Variants in GRIA1 observed in about 807,000 individuals in gnomAD.
GRIA1 encodes the protein glutamate ionotropic receptor AMPA type subunit 1, also known as glutamate receptor 1.
GRIA1 carries 31 observed loss-of-function variants against 99.2 expected under a neutral mutation model. The observed-to-expected ratio is 0.31, with a 90% CI of 0.23 to 0.42. GRIA1 has a LOEUF of 0.42. Ranked by LOEUF, GRIA1 falls within the 10% of genes least tolerant of loss-of-function variation. GRIA1 has a pLI of 1.00. For missense variants in GRIA1, 782 were observed against 1,157.5 expected, an observed-to-expected ratio of 0.68 and a Z score of 4.71; for synonymous variants, 438 against 432.4, an observed-to-expected ratio of 1.01 and a Z score of -0.16.
At chr5:153,673,716 G>A (rs1194172371) in intron 5 of GRIA1, among the ~76,000 whole-genome samples, 2 of 152,182 alleles carry the variant, frequency 1.3e-5, no homozygotes, top group Admixed American at 6.5e-5. Context: ...ACTGAAATGA[G>A]GCCATAGATA....
Position 153,647,116 on chromosome 5 carries a change from A to G in GRIA1, c.409A>G (p.Ile137Val), listed in dbSNP as rs754197611. Residue 137 changes from isoleucine to valine, a missense_variant, in exon 3 of 16, where the codon ATT becomes GTT. Coordinates refer to ENST00000285900, the MANE Select transcript of GRIA1 (RefSeq NM_000827.4). ...PELQDALISI[I>V]DHYKWQKFVY... The stretch of plus-strand genomic sequence containing the variant: ...ACTGCAGGATGCCCTCATCAGCATC[A>G]TTGACCATTACAAGTGGCAGAAATT... The G allele has an allele frequency of 1.2e-6, 2 of 1,613,946 alleles. No individual in the cohort carries two copies. The highest frequency in any genetic ancestry group is 1.7e-6 in the Non-Finnish European group (2 of 1,179,918).
At chr5:153,528,785 CCTT>C (rs1419154084) in intron 2 of GRIA1, among the ~76,000 whole-genome samples, 1 of 152,140 alleles carries the variant, frequency 6.6e-6, no homozygotes, top group Non-Finnish European at 1.5e-5. Flanking sequence ...CTCCTATATG[CCTT>C]CTTCTCTCTT....
chr5:153,700,204 G>A (rs1400506755), intron 10 of GRIA1, among the ~76,000 whole-genome samples: 1 of 152,064 alleles, frequency 6.6e-6, no homozygotes, highest in Non-Finnish European at 1.5e-5. Context: ...GGCCAACATG[G>A]TGAAACCCCA....
At chr5:153,751,734 C>T (rs1028268469) in intron 11 of GRIA1, among the ~76,000 whole-genome samples, 2 of 152,220 alleles carry the variant, frequency 1.3e-5, no homozygotes, top group African/African-American at 2.4e-5. Flanking sequence ...AAATGCCTAT[C>T]GGAAACCCAG....
In GRIA1 at chr5:153,705,853, T is replaced by G; in HGVS notation, c.1609T>G (p.Tyr537Asp). ...GVFSFLDPLA[Y>D]EIWMCIVFAY... The stretch of plus-strand genomic sequence containing the variant: ...CTTCTCCTTCCTTGATCCTTTGGCT[T>G]ATGAGATTTGGATGTGCATTGTTTT... The change falls in exon 11 of 16, where the codon TAT becomes GAT. Residue 537 changes from tyrosine (Y) to aspartate (D), a missense_variant. Physicochemically the swap from Tyr to Asp is radical, Grantham distance 160. Transcript: ENST00000285900. The G allele has an allele frequency of 3.7e-6, 6 of 1,613,898 alleles. No individual in the cohort carries two copies. Among genetic ancestry groups the G allele is most frequent in the Non-Finnish European group, 5.1e-6 (6 of 1,179,956 alleles).
rs1183259776 is a variant in GRIA1 at position 153,564,884 on chromosome 5, T to C, written c.220+70819T>C. On this transcript the variant is annotated intron_variant, in intron 2 of 15. Transcript: ENST00000285900. ...GTATGGGAATGAATATGTCAGAAAG[T>C]AGTAGCTTAGTGATAAATTATGCAT... Among the ~76,000 whole-genome samples the C allele has an allele frequency of 2.0e-5, 3 of 152,214 alleles. No homozygotes were observed. The East Asian group carries it at 5.8e-4, about 29-fold the overall frequency.
intron 2 of GRIA1, among the ~76,000 whole-genome samples, chr5:153,610,961 C>T (rs1449098791): frequency 2.6e-5 from 4 of 152,208 alleles, no homozygotes; most frequent in Admixed American, 1.3e-4. Context: ...TCTGAACAGG[C>T]TGTCTTCAAC....
At chr5:153,507,500 T>C (rs970302870) in intron 2 of GRIA1, among the ~76,000 whole-genome samples, 6 of 152,178 alleles carry the variant, frequency 3.9e-5, no homozygotes, top group African/African-American at 1.2e-4. Flanking sequence ...AACTCATTGC[T>C]CTTTTCTCAC....
intron 11 of GRIA1, among the ~76,000 whole-genome samples, chr5:153,760,410 C>A (rs2149602625): frequency 6.6e-6 from 1 of 151,876 alleles, no homozygotes; most frequent in Middle Eastern, 3.4e-3. Context: ...AAAAAGAAAT[C>A]AAGAAAGCAA....
intron 8 of GRIA1, among the ~76,000 whole-genome samples, chr5:153,694,924 G>A (rs72802679): frequency 0.056 from 8,498 of 151,924 alleles, 301 homozygotes; most frequent in Non-Finnish European, 0.075. Context: ...AAGAATAGGA[G>A]GAAGGAAGGG....
chr5:153,586,557 A>G (rs1203481596), intron 2 of GRIA1, among the ~76,000 whole-genome samples: 1 of 152,262 alleles, frequency 6.6e-6, no homozygotes, highest in African/African-American at 2.4e-5. Context: ...CTCAAAGTCT[A>G]GAGAAGAAAT....
chr5:153,705,557 G>A, intron 10 of GRIA1, 140 bp from the exon 11 acceptor site: 1 of 1,033,222 alleles, frequency 9.7e-7, no homozygotes, highest in African/African-American at 1.6e-5. Context: ...AGGAGGGGTT[G>A]GACTTCAAAG....
chr5:153,537,758 G>A (rs72800754), intron 2 of GRIA1, among the ~76,000 whole-genome samples: 7,637 of 152,272 alleles, frequency 0.05, 265 homozygotes, highest in Non-Finnish European at 0.076. Context: ...GAAGATGGAG[G>A]TGCTGCTGCT....
upstream of GRIA1, among the ~76,000 whole-genome samples, chr5:153,490,083 T>C (rs1283261484): frequency 1.3e-5 from 2 of 152,050 alleles, no homozygotes; most frequent in African/African-American, 2.4e-5. Context: ...GCTTTTTTTT[T>C]TTTTTCCTTT....
intron 11 of GRIA1, among the ~76,000 whole-genome samples, chr5:153,753,938 C>G (rs924812047): frequency 2.6e-5 from 4 of 152,192 alleles, no homozygotes; most frequent in Non-Finnish European, 5.9e-5. Context: ...TCCCCTGTAC[C>G]AGTTTAATTC....
intron 15 of GRIA1, among the ~76,000 whole-genome samples, chr5:153,804,806 C>T (rs187589655): frequency 2.0e-5 from 3 of 151,834 alleles, no homozygotes; most frequent in Admixed American, 2.0e-4. Flanking sequence ...GGCTGGAGTG[C>T]AGTGGCATGA....
At chr5:153,762,093 G>A (rs1322711801) in intron 11 of GRIA1, among the ~76,000 whole-genome samples, 2 of 152,140 alleles carry the variant, frequency 1.3e-5, no homozygotes, top group Non-Finnish European at 2.9e-5. Flanking sequence ...AAGTTCTTGT[G>A]TTCTATTGCA....
chr5:153,498,405 T>C (rs1335852007), intron 2 of GRIA1, among the ~76,000 whole-genome samples: 1 of 152,232 alleles, frequency 6.6e-6, no homozygotes, highest in Non-Finnish European at 1.5e-5. Flanking sequence ...TATAGTTTAG[T>C]GTTGAGAACA....
At position 153,706,108 on chromosome 5, in the gene GRIA1, T is replaced by TTTTGTTTGTTTA. The variant is rs1554116500; in HGVS notation, c.1823+52_1823+53insATTTGTTTGTTT. On this transcript the variant is annotated intron_variant, in intron 11 of 15. Transcript: ENST00000285900. The stretch of plus-strand genomic sequence containing the variant: ...TCAATCCCTTTGCCTAATGCTATGG[T>TTTTGTTTGTTTA]TTTGTTTGTTTGTTTGTTTGTTTGT... 8.9e-6 allele frequency: 12 copies of TTTTGTTTGTTTA among 1,348,898 alleles called. No homozygotes were observed. The East Asian group carries it at 2.1e-4, about 23-fold the overall frequency. The allele number at this position is 1,348,898 out of a possible 1,614,324, so 83.6% of individuals were successfully genotyped here.
Sources: gnomAD v4.1 joint callset for allele counts (sites outside exome capture counted in the v4.1 genomes callset) on GRCh38, gnomAD v4.1.1 for gene constraint, MANE v1.5 for transcripts, NCBI Gene and HGNC (gene_info 2026-07-23, HGNC 2026-07-21) for gene names.